Variants in CRADD observed in about 807,000 individuals in gnomAD.
The protein encoded by CRADD is death domain-containing protein CRADD.
In CRADD, 9 loss-of-function variants were observed where a neutral mutation model predicts 15.5. That is an observed-to-expected ratio of 0.58 (90% confidence interval 0.35 to 1.01). The LOEUF (loss-of-function observed/expected upper bound fraction) is 1.01. Among genes scored for constraint, CRADD ranks in the 50% least tolerant of loss-of-function variants. The pLI, the probability that CRADD is intolerant of heterozygous loss-of-function variation, is 0.02. For synonymous variants in CRADD, 118 were observed against 107.6 expected (o/e 1.10, Z -0.60); for missense variants, 227 against 250.3 (o/e 0.91, Z 0.63).
intron 2 of CRADD, among the ~76,000 whole-genome samples, chr12:93,845,513 C>T (rs901544008): frequency 2.0e-5 from 3 of 151,840 alleles, no homozygotes; most frequent in African/African-American, 7.3e-5. Context: ...CAGTTGAGGC[C>T]AGGAGTTTGA....
chr12:93,786,505 T>A (rs2136978864), intron 2 of CRADD, among the ~76,000 whole-genome samples: 1 of 152,330 alleles, frequency 6.6e-6, no homozygotes, highest in East Asian at 1.9e-4. Context: ...GTATAATTTT[T>A]AAATTTTTGT....
intron 2 of CRADD, among the ~76,000 whole-genome samples, chr12:93,762,726 C>T (rs1341612955): frequency 2.6e-5 from 4 of 152,270 alleles, no homozygotes; most frequent in East Asian, 3.9e-4. Context: ...GCTATGACTC[C>T]TTTCCTACAA....
chr12:93,813,401 C>T (rs1190358746), intron 2 of CRADD, among the ~76,000 whole-genome samples: 4 of 152,256 alleles, frequency 2.6e-5, no homozygotes, highest in Non-Finnish European at 5.9e-5. Context: ...TTTCTTGGCT[C>T]ACTTCAGACA....
rs904335954 is a variant in CRADD at position 93,850,514 on chromosome 12, G to A, written c.*243G>A. Reference sequence around the variant, plus strand: ...GCTTGAAGATTGCATTGTTGTAATTGTTCAGTTTTTAAATGTGTAATGGCA... The same window carrying A: ...GCTTGAAGATTGCATTGTTGTAATTATTCAGTTTTTAAATGTGTAATGGCA... On this transcript the variant is annotated 3_prime_UTR_variant, in exon 3 of 3. Coordinates refer to ENST00000332896, the MANE Select transcript of CRADD (RefSeq NM_003805.5). The surrounding 1 kb of genome is among the most constrained non-coding windows in gnomAD (Gnocchi z 4.0). 5 of 1,238,132 alleles carry A rather than the reference G, an allele frequency of 4.0e-6. No homozygotes were observed. The highest frequency in any genetic ancestry group is 5.0e-6 in the Non-Finnish European group (5 of 990,822). The allele number at this position is 1,238,132 out of a possible 1,614,324, so 76.7% of individuals were successfully genotyped here.
intron 2 of CRADD, chr12:93,816,089 A>G (rs1045678341): frequency 3.3e-5 from 5 of 152,258 alleles, no homozygotes; most frequent in South Asian, 2.1e-4. Flanking sequence ...TTTAAAAAGT[A>G]AAAAGAATAT....
chr12:93,812,983 G>T (rs144009929), intron 2 of CRADD, among the ~76,000 whole-genome samples: 1 of 152,120 alleles, frequency 6.6e-6, no homozygotes, highest in African/African-American at 2.4e-5. Context: ...CTCCTCTTTT[G>T]TATCAATTTT....
chr12:93,877,275 A>G (rs1470182914), intron 2 of CRADD, among the ~76,000 whole-genome samples: 1 of 152,202 alleles, frequency 6.6e-6, no homozygotes, highest in Non-Finnish European at 1.5e-5. Flanking sequence ...CCAGCACAGC[A>G]CTGGATTTCA....
At chr12:93,758,455 G>A (rs1319892441) in intron 2 of CRADD, among the ~76,000 whole-genome samples, 1 of 151,754 alleles carries the variant, frequency 6.6e-6, no homozygotes. Flanking sequence ...TTTATTAATG[G>A]TTATTAATAT....
intron 2 of CRADD, among the ~76,000 whole-genome samples, chr12:93,879,568 A>G (rs2137071954): frequency 6.6e-6 from 1 of 152,278 alleles, no homozygotes; most frequent in East Asian, 1.9e-4. Flanking sequence ...TCCAAGGTTC[A>G]TGGGCAGGTG....
chr12:93,786,639 C>T (rs1957280957), intron 2 of CRADD, among the ~76,000 whole-genome samples: 1 of 152,108 alleles, frequency 6.6e-6, no homozygotes, highest in Admixed American at 6.6e-5. Flanking sequence ...TAAGAGACAA[C>T]ATTCAGAGGG....
intron 2 of CRADD, among the ~76,000 whole-genome samples, chr12:93,875,083 T>C (rs974971887): frequency 6.6e-6 from 1 of 152,124 alleles, no homozygotes; most frequent in Non-Finnish European, 1.5e-5. Context: ...ATTTGTTTTA[T>C]ATATCTGGAT....
intron 2 of CRADD, among the ~76,000 whole-genome samples, chr12:93,863,487 G>A (rs1958334226): frequency 1.3e-5 from 2 of 151,914 alleles, no homozygotes; most frequent in African/African-American, 4.8e-5. Flanking sequence ...TTTTCCAGTG[G>A]GGCATCTGAC....
At chr12:93,893,578 G>A (rs547292175) in intron 2 of CRADD, among the ~76,000 whole-genome samples, 2 of 152,096 alleles carry the variant, frequency 1.3e-5, no homozygotes, top group East Asian at 1.9e-4. Context: ...ATAAATACTC[G>A]GCTAAATTCT....
At chr12:93,780,854 TCTC>T (rs1957200530) in intron 2 of CRADD, among the ~76,000 whole-genome samples, 1 of 149,786 alleles carries the variant, frequency 6.7e-6, no homozygotes, top group African/African-American at 2.5e-5. Context: ...GATTCTCATA[TCTC>T]AGCCTCAGCC....
intron 2 of CRADD, among the ~76,000 whole-genome samples, chr12:93,768,431 C>G (rs1185484877): frequency 6.7e-6 from 1 of 150,254 alleles, no homozygotes; most frequent in Non-Finnish European, 1.5e-5. Context: ...GAATTCTAGC[C>G]AGCAAATACT....
At chr12:93,781,443 C>T (rs1030550043) in intron 2 of CRADD, among the ~76,000 whole-genome samples, 1 of 152,186 alleles carries the variant, frequency 6.6e-6, no homozygotes, top group Non-Finnish European at 1.5e-5. Context: ...TAAAAACCTA[C>T]AGTTTTGTAG....
At chr12:93,783,068 C>CA (rs1461733008) in intron 2 of CRADD, among the ~76,000 whole-genome samples, 1 of 151,962 alleles carries the variant, frequency 6.6e-6, no homozygotes, top group Non-Finnish European at 1.5e-5. Context: ...GGTTATAACC[C>CA]AATTTGTATA....
At chr12:93,859,686 G>C (rs893403679) in intron 2 of CRADD, among the ~76,000 whole-genome samples, 3 of 151,870 alleles carry the variant, frequency 2.0e-5, no homozygotes, top group African/African-American at 7.3e-5. Context: ...GGGGATGGCT[G>C]TTTCTTTTGA....
At chr12:93,893,305 A>T (rs1210397348) in intron 2 of CRADD, among the ~76,000 whole-genome samples, 1 of 152,146 alleles carries the variant, frequency 6.6e-6, no homozygotes, top group African/African-American at 2.4e-5. Context: ...AAAGAAAAGG[A>T]TGCTAATTTT....
Sources: gnomAD v4.1 joint callset for allele counts (sites outside exome capture counted in the v4.1 genomes callset) on GRCh38, gnomAD v4.1.1 for gene constraint, Gnocchi (gnomAD v3.1) non-coding constraint, MANE v1.5 for transcripts, NCBI Gene and HGNC (gene_info 2026-07-23, HGNC 2026-07-21) for gene names.